MSRA: variants seen among roughly 807,000 people sequenced by gnomAD.
MSRA encodes methionine sulfoxide reductase A, also known as mitochondrial peptide methionine sulfoxide reductase.
A neutral mutation model predicts 31.3 loss-of-function variants in MSRA; 54 were observed. The ratio of observed to expected loss-of-function variants is 1.73; its 90% CI spans 1.39 to 2.17. The LOEUF (loss-of-function observed/expected upper bound fraction) is 2.17. MSRA is among the 30% of genes most tolerant of loss of function. The probability of loss-of-function intolerance (pLI) is 0.00; values close to 1 mark genes in which losing one functional copy is unlikely to be tolerated. For missense variants in MSRA, 507 were observed against 300.9 expected, an observed-to-expected ratio of 1.69 and a Z score of -5.07; for synonymous variants, 169 against 116.5, an observed-to-expected ratio of 1.45 and a Z score of -2.90.
At chr8:10,169,528 C>T (rs745755985) in intron 1 of MSRA, among the ~76,000 whole-genome samples, 5 of 152,154 alleles carry the variant, frequency 3.3e-5, no homozygotes, top group Non-Finnish European at 7.3e-5. Flanking sequence ...GTGAAGAAAA[C>T]ATTGGCAAAA....
intron 1 of MSRA, among the ~76,000 whole-genome samples, chr8:10,193,154 G>A (rs770940435): frequency 5.9e-5 from 9 of 152,206 alleles, no homozygotes; most frequent in Non-Finnish European, 8.8e-5. Context: ...TCTTATAGCT[G>A]AGGTATGCCA....
chr8:10,261,223 C>T (rs1378034258), intron 3 of MSRA, among the ~76,000 whole-genome samples: 3 of 151,920 alleles, frequency 2.0e-5, no homozygotes, highest in Non-Finnish European at 2.9e-5. Context: ...TTGCTATTTA[C>T]TCAATATTTT....
intron 5 of MSRA, among the ~76,000 whole-genome samples, chr8:10,365,660 G>T (rs1476344122): frequency 6.6e-6 from 1 of 152,284 alleles, no homozygotes; most frequent in Admixed American, 6.5e-5. Flanking sequence ...CTTTTTACTT[G>T]CCTGACTCTA....
chr8:10,108,406 A>G (rs1484138183), intron 1 of MSRA, among the ~76,000 whole-genome samples: 1 of 152,144 alleles, frequency 6.6e-6, no homozygotes, highest in African/African-American at 2.4e-5. Flanking sequence ...ACTGACTTGC[A>G]CCTAGAAGGA....
chr8:10,154,285 G>T (rs921599888), intron 1 of MSRA, among the ~76,000 whole-genome samples: 7 of 141,850 alleles, frequency 4.9e-5, no homozygotes, highest in African/African-American at 1.9e-4. Context: ...CGGCAGGGCA[G>T]GGGTGCTACC....
Position 10,377,168 on chromosome 8 carries a change from C to T in MSRA, c.544-50980C>T, listed in dbSNP as rs867326181. On this transcript the variant is annotated intron_variant, in intron 5 of 5. Transcript: ENST00000317173. ...TAATGATCGCGAGTTTTTCTTGGAA[C>T]GATTTGCCTGCTGTACAGGTGGAAC... Among the ~76,000 whole-genome samples, 11 of 152,240 alleles carry T rather than the reference C, an allele frequency of 7.2e-5. No individual in the cohort carries two copies. The East Asian group carries it at 1.3e-3, about 19-fold the overall frequency.
intron 3 of MSRA, among the ~76,000 whole-genome samples, chr8:10,292,290 G>T (rs760365857): frequency 6.6e-5 from 10 of 152,178 alleles, no homozygotes; most frequent in Non-Finnish European, 1.3e-4. Context: ...GGCAGATGCA[G>T]CACGAGGGCT....
chr8:10,226,701 ATATATGTTTGTT>A (rs1223143758), intron 2 of MSRA, among the ~76,000 whole-genome samples: 2 of 151,852 alleles, frequency 1.3e-5, no homozygotes, highest in African/African-American at 2.4e-5. Flanking sequence ...ATGAGTATAT[ATATATGTTTGTT>A]TGTTTGTTTG....
intron 1 of MSRA, among the ~76,000 whole-genome samples, chr8:10,076,867 G>A (rs536611122): frequency 6.6e-6 from 1 of 152,168 alleles, no homozygotes; most frequent in South Asian, 2.1e-4. Flanking sequence ...CAGAGGATGG[G>A]GGGCTGGGGA....
chr8:10,080,630 A>G (rs544323372), intron 1 of MSRA, among the ~76,000 whole-genome samples: 10 of 151,806 alleles, frequency 6.6e-5, no homozygotes, highest in African/African-American at 1.2e-4. Context: ...GGCTCACGCA[A>G]TCCTCCCAAC....
At chr8:10,153,516 TC>T (rs201895114) in intron 1 of MSRA, among the ~76,000 whole-genome samples, 28,813 of 120,252 alleles carry the variant, frequency 0.24, 3,198 homozygotes, top group East Asian at 0.66. Context: ...CTTTCTACCT[TC>T]CTTTTTTTTT....
At chr8:10,071,585 G>T (rs184658456) in intron 1 of MSRA, among the ~76,000 whole-genome samples, 1 of 151,110 alleles carries the variant, frequency 6.6e-6, no homozygotes, top group African/African-American at 2.4e-5. Flanking sequence ...TTTGCCTTGC[G>T]TTGATCCTGG....
chr8:10,339,266 G>T (rs61619163), intron 5 of MSRA, among the ~76,000 whole-genome samples: 4 of 152,272 alleles, frequency 2.6e-5, no homozygotes, highest in African/African-American at 9.6e-5. Flanking sequence ...CTTTATCTGA[G>T]CATGGAGACA....
At chr8:10,414,667 A>G (rs765327978) in intron 5 of MSRA, among the ~76,000 whole-genome samples, 2 of 152,248 alleles carry the variant, frequency 1.3e-5, no homozygotes, top group Non-Finnish European at 2.9e-5. Flanking sequence ...ATCTGCTGCT[A>G]TGCTTGAAGT....
chr8:10,392,538 C>T (rs12541491), intron 5 of MSRA, among the ~76,000 whole-genome samples: 42,338 of 151,982 alleles, frequency 0.28, 6,895 homozygotes, highest in Non-Finnish European at 0.37. Flanking sequence ...GGGATCTGGC[C>T]GATGATGCTC....
chr8:10,228,231 G>C (rs1442489641), intron 2 of MSRA, among the ~76,000 whole-genome samples: 1 of 152,178 alleles, frequency 6.6e-6, no homozygotes, highest in Non-Finnish European at 1.5e-5. Flanking sequence ...AGCCGGAATT[G>C]AGGGTCCTTT....
intron 1 of MSRA, among the ~76,000 whole-genome samples, chr8:10,165,263 C>T (rs1805022932): frequency 6.6e-6 from 1 of 152,036 alleles, no homozygotes; most frequent in Admixed American, 6.5e-5. Context: ...CTTTGTTTTA[C>T]ATTAAATTTA....
chr8:10,245,043 TG>T, intron 2 of MSRA, 60 bp from the exon 3 acceptor site: 3 of 1,556,130 alleles, frequency 1.9e-6, no homozygotes, highest in Non-Finnish European at 2.6e-6. Flanking sequence ...TATGTGGATG[TG>T]CAATGACCAC....
intron 1 of MSRA, among the ~76,000 whole-genome samples, chr8:10,136,648 A>G (rs1263073451): frequency 2.0e-5 from 3 of 152,194 alleles, no homozygotes; most frequent in Non-Finnish European, 1.5e-5. Context: ...ACGTCAAGGG[A>G]TACTGGTTAG....
Sources: gnomAD v4.1 joint callset for allele counts (sites outside exome capture counted in the v4.1 genomes callset) on GRCh38, gnomAD v4.1.1 for gene constraint, MANE v1.5 for transcripts, NCBI Gene and HGNC (gene_info 2026-07-23, HGNC 2026-07-21) for gene names.